The following PEX14 variants were observed in gnomAD, a reference collection of about 807,000 sequenced individuals.
PEX14 encodes peroxisomal biogenesis factor 14.
Under a neutral mutation model 49.5 loss-of-function variants are expected in PEX14, and 15 were observed. The observed-to-expected ratio is 0.30, with a 90% CI of 0.20 to 0.47. The LOEUF is 0.47. Among genes scored for constraint, PEX14 ranks in the 20% least tolerant of loss-of-function variants. The probability of loss-of-function intolerance (pLI) is 1.00; values close to 1 mark genes in which losing one functional copy is unlikely to be tolerated. For synonymous variants in PEX14, 210 were observed against 212.7 expected, an observed-to-expected ratio of 0.99 and a Z score of 0.11; for missense variants, 398 against 494.8, an observed-to-expected ratio of 0.80 and a Z score of 1.86.
At chr1:10,499,334 G>T (rs1271702590) in intron 2 of PEX14, among the ~76,000 whole-genome samples, 1 of 152,088 alleles carries the variant, frequency 6.6e-6, no homozygotes, top group African/African-American at 2.4e-5. Context: ...CTCTCTAATG[G>T]ATGAGTCCTT....
chr1:10,532,829 C>T (rs1251254595), intron 2 of PEX14, among the ~76,000 whole-genome samples: 1 of 152,096 alleles, frequency 6.6e-6, no homozygotes, highest in Non-Finnish European at 1.5e-5. Flanking sequence ...GTGTGTTGGG[C>T]CTCTGCAGAG....
intron 3 of PEX14, among the ~76,000 whole-genome samples, chr1:10,550,977 T>A (rs116726257): frequency 2.6e-5 from 4 of 152,216 alleles, no homozygotes; most frequent in African/African-American, 9.7e-5. Context: ...CCCATTCTTG[T>A]GTGTGAGAAG....
chr1:10,480,965 C>A (rs1412130170), intron 1 of PEX14, among the ~76,000 whole-genome samples: 1 of 150,558 alleles, frequency 6.6e-6, no homozygotes, highest in Non-Finnish European at 1.5e-5. Flanking sequence ...TAAGGTTATT[C>A]CCCTGTATAA....
Position 10,623,312 on chromosome 1 carries a change from C to T in PEX14, c.487+191C>T, listed in dbSNP as rs983889219. On this transcript the variant is annotated intron_variant, in intron 6 of 8. Transcript: ENST00000356607. This position sits in a 1 kb window ranked among gnomAD's most constrained non-coding sequence, Gnocchi z 4.4. ...TTTGAAATTGCTTGTTTACTGTCGG[C>T]GCGGCCTCAATTAATTATGTTTTTA... 6.8e-6 allele frequency: 4 copies of T among 584,330 alleles called. No homozygotes were observed. The highest frequency in any genetic ancestry group is 9.4e-6 in the Non-Finnish European group (3 of 319,534). The allele number at this position is 584,330 out of a possible 1,614,324, so 36.2% of individuals were successfully genotyped here.
At chr1:10,577,555 TATATATA>T (rs1275265608) in intron 3 of PEX14, among the ~76,000 whole-genome samples, 1,097 of 8,454 alleles carry the variant, frequency 0.13, 48 homozygotes, top group East Asian at 0.2. Context: ...TATATATATA[TATATATA>T]TTTTTTTTTT....
intron 3 of PEX14, among the ~76,000 whole-genome samples, chr1:10,567,819 C>CG (rs1156697821): frequency 6.6e-5 from 10 of 152,108 alleles, no homozygotes; most frequent in African/African-American, 2.4e-4. Flanking sequence ...TTTGTAGAGA[C>CG]GGGGTCTCAC....
chr1:10,558,782 A>AATTG (rs1639568860), intron 3 of PEX14, among the ~76,000 whole-genome samples: 1 of 151,930 alleles, frequency 6.6e-6, no homozygotes, highest in Admixed American at 6.6e-5. Context: ...CTTTGGAAAG[A>AATTG]ATTGGTGTCT....
intron 3 of PEX14, among the ~76,000 whole-genome samples, chr1:10,570,841 C>A (rs1455617499): frequency 2.7e-5 from 3 of 112,552 alleles, no homozygotes; most frequent in Admixed American, 1.0e-4. Flanking sequence ...GAGAAAATGT[C>A]AACAGGGTTT....
At chr1:10,483,366 G>A (rs1291079850) in intron 1 of PEX14, among the ~76,000 whole-genome samples, 1 of 152,068 alleles carries the variant, frequency 6.6e-6, no homozygotes, top group Non-Finnish European at 1.5e-5. Flanking sequence ...CTCCAGGGTG[G>A]AGTGCAGTGG....
chr1:10,503,809 C>T (rs553907255), intron 2 of PEX14, among the ~76,000 whole-genome samples: 1 of 152,216 alleles, frequency 6.6e-6, no homozygotes, highest in East Asian at 1.9e-4. Flanking sequence ...TCTCAGCTCA[C>T]TGCAACCTCT....
intron 3 of PEX14, among the ~76,000 whole-genome samples, chr1:10,545,664 A>G (rs545497284): frequency 6.6e-6 from 1 of 152,360 alleles, no homozygotes; most frequent in Admixed American, 6.5e-5. Flanking sequence ...TCCTGCATAA[A>G]ATACTTAACT....
rs374285808 is a variant in PEX14, at chr1:10,544,692, C to T, written c.169+8395C>T. Among the ~76,000 whole-genome samples the T allele has an allele frequency of 4.6e-5, 7 of 152,240 alleles. No homozygotes were observed. The East Asian group carries it at 7.7e-4, about 17-fold the overall frequency. On this transcript the variant is annotated intron_variant, in intron 3 of 8. Transcript: ENST00000356607. ...CTTGGTAATCCCTTCCTCCTGTGGT[C>T]CCCCCAACCCCCATATCCTGGTTTG...
chr1:10,585,269 C>A (rs1640447345), intron 3 of PEX14, among the ~76,000 whole-genome samples: 1 of 151,966 alleles, frequency 6.6e-6, no homozygotes, highest in East Asian at 1.9e-4. Context: ...AGTAACTTTG[C>A]AGTAGAGAAA....
At chr1:10,621,975 C>T (rs1641609112) in intron 5 of PEX14, among the ~76,000 whole-genome samples, 1 of 152,166 alleles carries the variant, frequency 6.6e-6, no homozygotes, top group Non-Finnish European at 1.5e-5. Context: ...CAGGCTTGCA[C>T]TGCACTGCCT....
At chr1:10,483,986 T>G (rs1178328809) in intron 1 of PEX14, among the ~76,000 whole-genome samples, 2 of 151,638 alleles carry the variant, frequency 1.3e-5, no homozygotes, top group Non-Finnish European at 2.9e-5. Context: ...TGAAATTTAT[T>G]TGTGTTATGG....
At position 10,630,226 on chromosome 1, in the gene PEX14, G is replaced by A. The variant is rs934233060; in HGVS notation, c.*239G>A. ...CCCAGCCCCAGGCCCAGCTGCCTTT[G>A]GCTTTGATCTCAAGTCAGGCTGAAG... On this transcript the variant is annotated 3_prime_UTR_variant, in exon 9 of 9. Transcript: ENST00000356607. This position sits in a 1 kb window ranked among gnomAD's most constrained non-coding sequence, Gnocchi z 4.1. 1.6e-5 allele frequency: 10 copies of A among 636,524 alleles called. No individual in the cohort carries two copies. The African/African-American group carries it at 1.9e-4, about 12-fold the overall frequency. The allele number at this position is 636,524 out of a possible 1,614,324, so 39.4% of individuals were successfully genotyped here. A position where few individuals can be genotyped will look rare whatever the true frequency, so the allele number is the denominator to read the frequency against.
At chr1:10,536,486 G>C in intron 3 of PEX14, 189 bp downstream of exon 3, 1 of 618,548 alleles carries the variant, frequency 1.6e-6, no homozygotes, top group Admixed American at 2.7e-5. Context: ...GGAGCGGCAA[G>C]ATGACACGAT....
At chr1:10,524,389 ACTT>A (rs1338722407) in intron 2 of PEX14, 1 of 818,004 alleles carries the variant, frequency 1.2e-6, no homozygotes, top group Non-Finnish European at 1.5e-6. Flanking sequence ...CAAAAAGTGA[ACTT>A]CTCTGTTTCT....
intron 2 of PEX14, among the ~76,000 whole-genome samples, chr1:10,527,417 T>C (rs1386239617): frequency 1.3e-5 from 2 of 149,514 alleles, no homozygotes. Flanking sequence ...CTCGGGAGGC[T>C]GAGGCACAAG....
Sources: allele counts gnomAD v4.1 joint callset (sites outside exome capture counted in the v4.1 genomes callset), GRCh38; gene constraint gnomAD v4.1.1; non-coding constraint Gnocchi (gnomAD v3.1); transcripts MANE v1.5; gene names NCBI Gene and HGNC (gene_info 2026-07-23, HGNC 2026-07-21).